The following EXOC4 variants were observed in gnomAD, a reference collection of about 807,000 sequenced individuals.
EXOC4 encodes the protein exocyst complex component 4, also known as SEC8-like 1.
In EXOC4, 71 loss-of-function variants were observed where a neutral mutation model predicts 107.2. The observed-to-expected ratio is 0.66, with a 90% CI of 0.55 to 0.81. The LOEUF is 0.81. Ranked by LOEUF, EXOC4 falls within the 30% of genes least tolerant of loss-of-function variation. The pLI, the probability that EXOC4 is intolerant of heterozygous loss-of-function variation, is 0.00. For synonymous variants in EXOC4, 456 were observed against 441.2 expected (o/e 1.03, Z -0.42); for missense variants, 1,108 against 1,189.6 (o/e 0.93, Z 1.01).
chr7:133,886,453 T>C (rs1047394249), intron 11 of EXOC4, among the ~76,000 whole-genome samples: 2 of 152,250 alleles, frequency 1.3e-5, no homozygotes, highest in African/African-American at 2.4e-5. Flanking sequence ...CACTTTATAC[T>C]TTAGATTAAC....
intron 7 of EXOC4, chr7:133,396,066 C>G (rs1357038888): frequency 6.6e-6 from 1 of 152,116 alleles, no homozygotes; most frequent in Non-Finnish European, 1.5e-5. Context: ...GGTTCCCAGA[C>G]CAGCAGCATC....
intron 14 of EXOC4, among the ~76,000 whole-genome samples, chr7:133,952,375 C>T (rs1011086088): frequency 2.6e-5 from 4 of 152,144 alleles, no homozygotes; most frequent in African/African-American, 9.7e-5. Flanking sequence ...ACAGGGGTGA[C>T]AATGATCTGG....
intron 17 of EXOC4, among the ~76,000 whole-genome samples, chr7:134,010,951 G>A (rs1320148116): frequency 6.6e-6 from 1 of 150,708 alleles, no homozygotes; most frequent in Admixed American, 6.6e-5. Context: ...TCTAAATGAG[G>A]GTAGATCTTG....
chr7:133,519,999 C>CA (rs1415935204), intron 9 of EXOC4, among the ~76,000 whole-genome samples: 2 of 151,568 alleles, frequency 1.3e-5, no homozygotes, highest in East Asian at 1.9e-4. Context: ...ACAAATGAAA[C>CA]AAAAAAATTA....
intron 10 of EXOC4, among the ~76,000 whole-genome samples, chr7:133,666,635 A>G (rs1223238689): frequency 6.6e-6 from 1 of 152,198 alleles, no homozygotes; most frequent in Admixed American, 6.5e-5. Flanking sequence ...GGCTTTGACT[A>G]TTGCTTGATA....
At chr7:133,375,882 A>G (rs544935976) in intron 7 of EXOC4, among the ~76,000 whole-genome samples, 4 of 152,226 alleles carry the variant, frequency 2.6e-5, no homozygotes, top group East Asian at 3.8e-4. Flanking sequence ...TGAGCAAAAT[A>G]TATTTGATTT....
intron 11 of EXOC4, among the ~76,000 whole-genome samples, chr7:133,850,641 CA>C (rs1462227125): frequency 2.0e-5 from 3 of 148,532 alleles, no homozygotes; most frequent in Non-Finnish European, 3.0e-5. Context: ...GTTACCCCCC[CA>C]CACACACACA....
intron 7 of EXOC4, among the ~76,000 whole-genome samples, chr7:133,400,989 A>G (rs1167072189): frequency 2.0e-5 from 3 of 152,182 alleles, no homozygotes; most frequent in Admixed American, 6.5e-5. Flanking sequence ...GGTTGAACTC[A>G]GGTTCCTAAA....
rs1469102334 is a variant in EXOC4 at position 133,276,499 on chromosome 7, G to A, written c.276+1328G>A. On this transcript the variant is annotated intron_variant, in intron 2 of 17. Coordinates refer to ENST00000253861, the MANE Select transcript of EXOC4 (RefSeq NM_021807.4). ...CTCTAATCTCCCAGATTCTAAAGCC[G>A]TTGTTGCTGATTTTCAGGCATTTTT... Among the ~76,000 whole-genome samples the A allele has an allele frequency of 3.9e-5, 6 of 152,100 alleles. No homozygotes were observed. The East Asian group carries it at 7.7e-4, about 20-fold the overall frequency.
intron 7 of EXOC4, among the ~76,000 whole-genome samples, chr7:133,425,657 C>T (rs963311390): frequency 1.3e-5 from 2 of 152,106 alleles, no homozygotes; most frequent in Non-Finnish European, 1.5e-5. Flanking sequence ...GTTGGACATG[C>T]CCCATTATAC....
intron 9 of EXOC4, among the ~76,000 whole-genome samples, chr7:133,581,396 T>C (rs1801265477): frequency 6.6e-6 from 1 of 152,186 alleles, no homozygotes. Context: ...ATTCAGATGA[T>C]AAGCATAGTA....
chr7:133,351,604 G>A (rs2718172), intron 5 of EXOC4, among the ~76,000 whole-genome samples: 97,639 of 151,594 alleles, frequency 0.64, 34,037 homozygotes, highest in East Asian at 0.84. Context: ...CTAAAGATTT[G>A]TTATTTTTGA....
intron 10 of EXOC4, among the ~76,000 whole-genome samples, chr7:133,697,227 T>C (rs1274419919): frequency 6.6e-6 from 1 of 152,198 alleles, no homozygotes; most frequent in Non-Finnish European, 1.5e-5. Flanking sequence ...ATATTCTTCC[T>C]TTTCTTTGAT....
At chr7:133,718,162 C>T (rs1795036213) in intron 10 of EXOC4, among the ~76,000 whole-genome samples, 1 of 152,278 alleles carries the variant, frequency 6.6e-6, no homozygotes, top group East Asian at 1.9e-4. Context: ...ACTTACAAGG[C>T]TAAGTCAGCA....
chr7:133,504,862 G>A (rs1440610475), intron 9 of EXOC4, among the ~76,000 whole-genome samples: 1 of 152,098 alleles, frequency 6.6e-6, no homozygotes, highest in East Asian at 1.9e-4. Context: ...AGTAGTGTAG[G>A]TACAAAGAAC....
At position 133,569,152 on chromosome 7, in the gene EXOC4, A is replaced by AT. The variant is rs11307694; in HGVS notation, c.1418-60884dup. Among the ~76,000 whole-genome samples the AT allele has an allele frequency of 4.0e-5, 6 of 151,764 alleles. No individual in the cohort carries two copies. The East Asian group carries it at 5.8e-4, about 15-fold the overall frequency. The stretch of plus-strand genomic sequence containing the variant: ...AGAAAAAAAAGAATAATTAATAAAG[A>AT]TTTTTTTTTAAAAGGCCAGATTAAT... On this transcript the variant is annotated intron_variant, in intron 9 of 17. Coordinates refer to ENST00000253861, the MANE Select transcript of EXOC4 (RefSeq NM_021807.4).
chr7:133,597,980 A>G (rs965321681), intron 9 of EXOC4, among the ~76,000 whole-genome samples: 1 of 151,486 alleles, frequency 6.6e-6, no homozygotes, highest in African/African-American at 2.4e-5. Flanking sequence ...AGATGGCGCC[A>G]TTACTCCAGC....
intron 1 of EXOC4, among the ~76,000 whole-genome samples, chr7:133,259,506 C>T (rs1367345289): frequency 3.3e-5 from 5 of 151,936 alleles, no homozygotes; most frequent in Non-Finnish European, 2.9e-5. Context: ...GGATTACAGA[C>T]GTGAGCCACC....
intron 10 of EXOC4, among the ~76,000 whole-genome samples, chr7:133,673,718 A>G (rs1274181584): frequency 6.6e-6 from 1 of 152,186 alleles, no homozygotes; most frequent in Non-Finnish European, 1.5e-5. Flanking sequence ...GACAACACAC[A>G]TGCTTCTTTT....
Sources: allele counts gnomAD v4.1 joint callset (sites outside exome capture counted in the v4.1 genomes callset), GRCh38; gene constraint gnomAD v4.1.1; transcripts MANE v1.5; gene names NCBI Gene and HGNC (gene_info 2026-07-23, HGNC 2026-07-21).